Variants in UBAP1L observed in about 807,000 individuals in gnomAD.
UBAP1L encodes ubiquitin associated protein 1 like, also known as ubiquitin-associated protein 1-like.
In UBAP1L, 32 loss-of-function variants were observed where a neutral mutation model predicts 32.1. The ratio of observed to expected loss-of-function variants is 1.00; its 90% CI spans 0.75 to 1.34. The LOEUF is 1.34. UBAP1L is among the 40% of genes most tolerant of loss of function. The probability of loss-of-function intolerance (pLI) is 0.00; values close to 1 mark genes in which losing one functional copy is unlikely to be tolerated. For synonymous variants in UBAP1L, 243 were observed against 250.2 expected (o/e 0.97, Z 0.27); for missense variants, 516 against 540.5 (o/e 0.95, Z 0.45).
At chr15:65,105,564 C>G in intron 2 of UBAP1L, 1 of 559,100 alleles carries the variant, frequency 1.8e-6, no homozygotes, top group South Asian at 1.6e-5. Flanking sequence ...CCTGGAGAAC[C>G]CCATAAAATC....
chr15:65,111,064 T>C (rs1197058204), intron 1 of UBAP1L, among the ~76,000 whole-genome samples: 2 of 152,226 alleles, frequency 1.3e-5, no homozygotes, highest in Non-Finnish European at 2.9e-5. Context: ...TGTCTTGCTG[T>C]ATATAAGACT....
At chr15:65,106,024 A>G in intron 2 of UBAP1L, 72 bp downstream of exon 2, 1 of 1,526,716 alleles carries the variant, frequency 6.6e-7, no homozygotes, top group Non-Finnish European at 8.8e-7. Flanking sequence ...CTTTAAATTC[A>G]AGGAACAAGG....
intron 1 of UBAP1L, among the ~76,000 whole-genome samples, chr15:65,111,046 C>A (rs371072928): frequency 1.1e-4 from 16 of 152,324 alleles, no homozygotes; most frequent in Admixed American, 8.5e-4. Context: ...TTTGTCAACT[C>A]TTGTTAGTGT....
chr15:65,109,851 A>G (rs1051829151), intron 1 of UBAP1L, among the ~76,000 whole-genome samples: 1 of 152,358 alleles, frequency 6.6e-6, no homozygotes, highest in East Asian at 1.9e-4. Context: ...TGGAACATCT[A>G]TAACTCTCAT....
rs2087220583 is a variant in UBAP1L at position 65,099,834 on chromosome 15, A to C, written c.700-120T>G. ...TGTACAGAGTGTAGGGGCTAATATTATGGAGGGCTTAGAGTCCTGCAGACC... is the reference window on the plus strand; with the variant it reads ...TGTACAGAGTGTAGGGGCTAATATTCTGGAGGGCTTAGAGTCCTGCAGACC... On this transcript the variant is annotated intron_variant, in intron 3 of 5. Coordinates refer to ENST00000559089, the MANE Select transcript of UBAP1L (RefSeq NM_001163692.2). 4.8e-6 allele frequency: 4 copies of C among 835,120 alleles called. No homozygotes were observed. In the South Asian group the frequency reaches 7.2e-5, roughly 15 times the overall value. The allele number at this position is 835,120 out of a possible 1,614,324, so 51.7% of individuals were successfully genotyped here.
chr15:65,108,476 G>C (rs1173583604), intron 1 of UBAP1L, among the ~76,000 whole-genome samples: 1 of 152,152 alleles, frequency 6.6e-6, no homozygotes, highest in African/African-American at 2.4e-5. Context: ...CAGGCACGTT[G>C]GCTCATGCCT....
At chr15:65,099,736 C>T (rs1347582119) in intron 3 of UBAP1L, 22 bp from the exon 4 acceptor site, 2 of 1,529,870 alleles carry the variant, frequency 1.3e-6, no homozygotes, top group South Asian at 1.2e-5. Flanking sequence ...ACAGACTGGA[C>T]ATGTCAGTTA....
chr15:65,099,933 T>A (rs966853326), intron 3 of UBAP1L: 19 of 468,976 alleles, frequency 4.1e-5, no homozygotes, highest in Non-Finnish European at 7.2e-5. Context: ...CACGGGACTA[T>A]CAGGAGACTT....
At chr15:65,099,429 T>G (rs2087213746) in intron 4 of UBAP1L, 76 bp downstream of exon 4, 8 of 1,462,090 alleles carry the variant, frequency 5.5e-6, no homozygotes, top group Non-Finnish European at 7.4e-6. Flanking sequence ...ATGTCACAGC[T>G]CAAAAGGTGA....
chr15:65,102,292 G>A lies in UBAP1L; in HGVS notation c.513C>T (p.Pro171=). The change falls in exon 3 of 6, where the codon CCC becomes CCT. Residue 171 remains proline, a synonymous_variant. Coordinates refer to ENST00000559089, the MANE Select transcript of UBAP1L (RefSeq NM_001163692.2). The surrounding 1 kb of genome is among the most constrained non-coding windows in gnomAD (Gnocchi z 5.0). ...CGCGGAGGCCATGCAGGAGGGCGCG[G>A]GGCCGGGAGACCAGCTTCCCCTCGG... The part of the protein sequence containing the change: ...RLSEGKLVSR[P]RALLHGLRGH... 2 of 1,404,074 alleles carry A rather than the reference G, an allele frequency of 1.4e-6. No individual in the cohort carries two copies. Among genetic ancestry groups the A allele is most frequent in the Non-Finnish European group, 1.8e-6 (2 of 1,087,034 alleles). 87.0% of individuals were successfully genotyped at this position (1,404,074 alleles called of 1,614,324 possible).
At position 65,107,359 on chromosome 15, in the gene UBAP1L, GA is replaced by G. The variant is rs952697311; in HGVS notation, c.-173-972del. 2.0e-3 allele frequency among the ~76,000 whole-genome samples: 284 copies of G among 143,730 alleles called. 1 individual carries two copies. The highest frequency in any genetic ancestry group is 7.3e-3 in the Middle Eastern group (2 of 274). The allele number at this position is 143,730 out of a possible 152,430, so 94.3% of individuals were successfully genotyped here. A position where few individuals can be genotyped will look rare whatever the true frequency, so the allele number is the denominator to read the frequency against. ...AAAAAAAAAAAGAAGAAAGAAAAAG[GA>G]AAAAAAAAAGGAATTACATCTCTCT... On this transcript the variant is annotated intron_variant, in intron 1 of 5. Coordinates refer to ENST00000559089, the MANE Select transcript of UBAP1L (RefSeq NM_001163692.2).
chr15:65,100,594 GC>G (rs1256662517), intron 3 of UBAP1L: 3 of 152,200 alleles, frequency 2.0e-5, no homozygotes, highest in African/African-American at 7.2e-5. Context: ...GGCCGGCATC[GC>G]CCCGAACCTT....
In UBAP1L at chr15:65,094,244, G is replaced by A. The variant is rs537220925; in HGVS notation, c.1011+231C>T. Among the ~76,000 whole-genome samples, 2 of 152,284 alleles carry A rather than the reference G, an allele frequency of 1.3e-5. No individual in the cohort carries two copies. The highest frequency in any genetic ancestry group is 4.1e-4 in the South Asian group (2 of 4,832). ...AAACCCCTGCTGCTCTCTGCCTCCT[G>A]TCCCCGTCCCACCTCTTCCTGATCT... On this transcript the variant is annotated intron_variant, in intron 5 of 5. Transcript: ENST00000559089. This position sits in a 1 kb window ranked among gnomAD's most constrained non-coding sequence, Gnocchi z 4.2.
At chr15:65,098,827 A>G (rs890862497) in intron 4 of UBAP1L, 1 of 152,198 alleles carries the variant, frequency 6.6e-6, no homozygotes, top group Non-Finnish European at 1.5e-5. Context: ...AAGCAAATAA[A>G]TGGTTGTCTC....
At chr15:65,112,865 C>G (rs1393096459) in intron 1 of UBAP1L, among the ~76,000 whole-genome samples, 1 of 152,200 alleles carries the variant, frequency 6.6e-6, no homozygotes, top group African/African-American at 2.4e-5. Flanking sequence ...ACTTTCCTCT[C>G]CTTTACCACC....
At chr15:65,106,692 G>A (rs2087316116) in intron 1 of UBAP1L, among the ~76,000 whole-genome samples, 1 of 146,886 alleles carries the variant, frequency 6.8e-6, no homozygotes, top group Non-Finnish European at 1.5e-5. Context: ...CCAGGCTGGA[G>A]TGCAGTAGCC....
chr15:65,102,780 T>G lies in UBAP1L; in HGVS notation c.121-96A>C. On this transcript the variant is annotated intron_variant, in intron 2 of 5. Transcript: ENST00000559089. The surrounding 1 kb of genome is among the most constrained non-coding windows in gnomAD (Gnocchi z 5.0). ...TGGGGGACCCTGTTCAGCCAGAGAC[T>G]CTCTAAGCCTGGACAGCGTCAGATT... The G allele has an allele frequency of 8.7e-7, 1 of 1,148,658 alleles. No individual in the cohort carries two copies. The highest frequency in any genetic ancestry group is 1.2e-6 in the Non-Finnish European group (1 of 833,070). 71.2% of individuals were successfully genotyped at this position (1,148,658 alleles called of 1,614,324 possible). A position where few individuals can be genotyped will look rare whatever the true frequency, so the allele number is the denominator to read the frequency against.
chr15:65,099,497 C>T lies in UBAP1L; in HGVS notation c.909+8G>A, dbSNP rs1324554284. 2 of 1,549,362 alleles carry T rather than the reference C, an allele frequency of 1.3e-6. No individual in the cohort carries two copies. The highest frequency in any genetic ancestry group is 1.7e-6 in the Non-Finnish European group (2 of 1,146,594). ...CACAGCTCATCAGCTCTGGGTCCCC[C>T]AACTCACCTGGCTCAGGCTCTGCCT... is the stretch of plus-strand genomic sequence containing the variant. On this transcript the variant is annotated splice_region_variant and intron_variant, in intron 4 of 5. Transcript: ENST00000559089.
intron 4 of UBAP1L, chr15:65,096,985 A>G (rs530544619): frequency 6.6e-6 from 1 of 152,416 alleles, no homozygotes; most frequent in East Asian, 1.9e-4. Context: ...TTCAGTTACC[A>G]GGACTTCACA....
Sources: allele counts gnomAD v4.1 joint callset (sites outside exome capture counted in the v4.1 genomes callset), GRCh38; gene constraint gnomAD v4.1.1; non-coding constraint Gnocchi (gnomAD v3.1); transcripts MANE v1.5; gene names NCBI Gene and HGNC (gene_info 2026-07-23, HGNC 2026-07-21).